The following RPSA2 variants were observed in gnomAD, a reference collection of about 807,000 sequenced individuals.
RPSA2 encodes ribosomal protein SA 2.
the RPSA2 span, chr19:23,843,296 C>G: frequency 1.8e-5 from 3 of 170,282 alleles, no homozygotes; most frequent in African/African-American, 4.7e-5. Flanking sequence ...ATGAATGAAG[C>G]AGATAACACA....
the RPSA2 span, among the ~76,000 whole-genome samples, chr19:23,802,634 G>C: frequency 2.0e-5 from 3 of 152,174 alleles, no homozygotes; most frequent in African/African-American, 4.8e-5. Flanking sequence ...ACCCAGATGA[G>C]AGTTTCTCTG....
At chr19:23,777,086 C>A in the RPSA2 span, among the ~76,000 whole-genome samples, 1 of 151,756 alleles carries the variant, frequency 6.6e-6, no homozygotes, top group Non-Finnish European at 1.5e-5. Context: ...CATAGCTTGG[C>A]CTAGCCCCTA....
the RPSA2 span, among the ~76,000 whole-genome samples, chr19:23,760,787 C>T: frequency 6.6e-6 from 1 of 150,870 alleles, no homozygotes. Flanking sequence ...GCCTCAGCCT[C>T]CTGAATAATT....
the RPSA2 span, among the ~76,000 whole-genome samples, chr19:23,840,747 C>T: frequency 1.3e-5 from 2 of 151,756 alleles, no homozygotes; most frequent in Non-Finnish European, 2.9e-5. Context: ...CACCTGAGGT[C>T]AGGAGTTTGA....
the RPSA2 span, among the ~76,000 whole-genome samples, chr19:23,852,805 G>A: frequency 6.6e-6 from 1 of 152,206 alleles, no homozygotes; most frequent in African/African-American, 2.4e-5. Flanking sequence ...AAAGTTTTTG[G>A]AAATCACTTA....
the RPSA2 span, among the ~76,000 whole-genome samples, chr19:23,870,952 TG>T: frequency 6.6e-6 from 1 of 152,208 alleles, no homozygotes. Context: ...AGCCACTCCC[TG>T]GTGCTGTGCT....
At chr19:23,830,180 C>A in the RPSA2 span, among the ~76,000 whole-genome samples, 1 of 151,966 alleles carries the variant, frequency 6.6e-6, no homozygotes, top group Non-Finnish European at 1.5e-5. Context: ...TCTCTCTATC[C>A]CCCAGCCAGG....
chr19:23,850,210 G>A, the RPSA2 span, among the ~76,000 whole-genome samples: 3 of 150,552 alleles, frequency 2.0e-5, no homozygotes, highest in East Asian at 6.1e-4. Context: ...GGTCAAATAA[G>A]TGGAGGAAAA....
the RPSA2 span, chr19:23,827,374 T>C: frequency 1.3e-6 from 2 of 1,540,630 alleles, no homozygotes. Context: ...TTGAAAACCC[T>C]GCTGATGTCA....
chr19:23,812,643 C>T, the RPSA2 span, among the ~76,000 whole-genome samples: 1 of 152,090 alleles, frequency 6.6e-6, no homozygotes, highest in Non-Finnish European at 1.5e-5. Context: ...AGGTGATCTG[C>T]CCACCTCAGC....
chr19:23,831,063 C>G, the RPSA2 span, among the ~76,000 whole-genome samples: 1 of 151,816 alleles, frequency 6.6e-6, no homozygotes, highest in Non-Finnish European at 1.5e-5. Context: ...CTTGCTACAC[C>G]TGTTCCTTTT....
At chr19:23,761,896 A>ATC in the RPSA2 span, among the ~76,000 whole-genome samples, 1 of 18,744 alleles carries the variant, frequency 5.3e-5, no homozygotes, top group Non-Finnish European at 1.4e-4. Flanking sequence ...AATTTGGGTA[A>ATC]CGTAATTCTT....
the RPSA2 span, among the ~76,000 whole-genome samples, chr19:23,821,903 C>CT: frequency 6.6e-6 from 1 of 152,126 alleles, no homozygotes; most frequent in South Asian, 2.1e-4. Flanking sequence ...GCTCTGTTTC[C>CT]TTTTTTGCCT....
the RPSA2 span, among the ~76,000 whole-genome samples, chr19:23,862,473 C>T: frequency 9.2e-5 from 14 of 151,700 alleles, no homozygotes; most frequent in South Asian, 1.5e-3. Flanking sequence ...AAAGGGAATG[C>T]TTCCAGTTTT....
chr19:23,848,994 G>C, the RPSA2 span, among the ~76,000 whole-genome samples: 1 of 152,178 alleles, frequency 6.6e-6, no homozygotes, highest in Non-Finnish European at 1.5e-5. Flanking sequence ...TAAATATACT[G>C]AGGGGGAAGA....
the RPSA2 span, chr19:23,782,558 C>T: frequency 6.6e-6 from 1 of 152,136 alleles, no homozygotes; most frequent in East Asian, 1.9e-4. Flanking sequence ...GCCATGCCCA[C>T]AGAATAGAGA....
At chr19:23,856,588 T>G in the RPSA2 span, among the ~76,000 whole-genome samples, 1 of 152,174 alleles carries the variant, frequency 6.6e-6, no homozygotes, top group Non-Finnish European at 1.5e-5. Context: ...GGTTCCCACA[T>G]GCACTTAGGA....
chr19:23,787,995 C>T, the RPSA2 span, among the ~76,000 whole-genome samples: 2 of 152,170 alleles, frequency 1.3e-5, no homozygotes, highest in Non-Finnish European at 2.9e-5. Flanking sequence ...CTAACAGAAG[C>T]GACAGTGATT....
At chr19:23,763,237 C>T in the RPSA2 span, 1 of 152,794 alleles carries the variant, frequency 6.5e-6, no homozygotes, top group African/African-American at 2.4e-5. Context: ...CCTGAGTCCC[C>T]GCTGGCGCAG....
Sources: gnomAD v4.1 joint callset for allele counts (sites outside exome capture counted in the v4.1 genomes callset) on GRCh38, gnomAD v4.1.1 for gene constraint, MANE v1.5 for transcripts, NCBI Gene and HGNC (gene_info 2026-07-23, HGNC 2026-07-21) for gene names.